CREB3L2: variants seen among roughly 807,000 people sequenced by gnomAD.
CREB3L2 encodes the protein cyclic AMP-responsive element-binding protein 3-like protein 2.
CREB3L2 carries 23 observed loss-of-function variants against 57.2 expected under a neutral mutation model. The observed-to-expected ratio is 0.40, with a 90% CI of 0.29 to 0.57. The LOEUF (loss-of-function observed/expected upper bound fraction) is 0.57, where lower values mean the gene tolerates loss of function less well. Among genes scored for constraint, CREB3L2 ranks in the 20% least tolerant of loss-of-function variants. The pLI is 0.42. For synonymous variants in CREB3L2, 268 were observed against 265.1 expected, an observed-to-expected ratio of 1.01 and a Z score of -0.11; for missense variants, 628 against 634.7, an observed-to-expected ratio of 0.99 and a Z score of 0.11.
intron 2 of CREB3L2, among the ~76,000 whole-genome samples, chr7:137,922,415 T>TAC (rs1491237233): frequency 0.046 from 1,053 of 23,072 alleles, 89 homozygotes; most frequent in African/African-American, 0.14. Context: ...TATATATATA[T>TAC]GTATATATAT....
chr7:137,988,564 C>T (rs1263156588), intron 1 of CREB3L2, among the ~76,000 whole-genome samples: 1 of 152,126 alleles, frequency 6.6e-6, no homozygotes. Context: ...CTGATACTTC[C>T]TTAGTGGAAG....
chr7:137,936,439 C>T (rs1800787357), intron 1 of CREB3L2, among the ~76,000 whole-genome samples: 1 of 152,132 alleles, frequency 6.6e-6, no homozygotes, highest in Non-Finnish European at 1.5e-5. Context: ...ACCTGTAAAC[C>T]TCTGTGTGTG....
At chr7:137,901,052 GA>G (rs1489318198) in intron 8 of CREB3L2, among the ~76,000 whole-genome samples, 1 of 152,136 alleles carries the variant, frequency 6.6e-6, no homozygotes, top group Non-Finnish European at 1.5e-5. Flanking sequence ...GAAAAGTAAA[GA>G]ATATGCATGT....
intron 1 of CREB3L2, among the ~76,000 whole-genome samples, chr7:137,994,539 TCTC>T (rs1316664970): frequency 6.6e-6 from 1 of 152,278 alleles, no homozygotes; most frequent in African/African-American, 2.4e-5. Context: ...ATAGCCATAA[TCTC>T]CTCCTGGCTC....
intron 1 of CREB3L2, among the ~76,000 whole-genome samples, chr7:137,965,793 C>G (rs1483768845): frequency 6.6e-6 from 1 of 152,144 alleles, no homozygotes; most frequent in African/African-American, 2.4e-5. Context: ...TGAGGAGGAG[C>G]AAAACAAAGT....
intron 1 of CREB3L2, among the ~76,000 whole-genome samples, chr7:137,998,449 T>G (rs1191812045): frequency 6.6e-6 from 1 of 152,236 alleles, no homozygotes; most frequent in Non-Finnish European, 1.5e-5. Context: ...CAGCAGTTCC[T>G]ATATTCCAAT....
intron 1 of CREB3L2, among the ~76,000 whole-genome samples, chr7:137,970,024 G>T: frequency 6.6e-6 from 1 of 152,112 alleles, no homozygotes; most frequent in African/African-American, 2.4e-5. Context: ...AGTTCTTCCA[G>T]ATGACTTGAA....
intron 6 of CREB3L2, among the ~76,000 whole-genome samples, chr7:137,904,280 C>G (rs911041883): frequency 6.6e-6 from 1 of 152,172 alleles, no homozygotes; most frequent in Non-Finnish European, 1.5e-5. Flanking sequence ...CCTGTAATCC[C>G]AACACTTTGG....
chr7:137,970,564 T>A (rs965772230), intron 1 of CREB3L2, among the ~76,000 whole-genome samples: 30 of 136,642 alleles, frequency 2.2e-4, no homozygotes, highest in African/African-American at 8.0e-4. Flanking sequence ...AAATGGGTCT[T>A]CTTCGATAAG....
At chr7:137,989,027 A>G (rs759850) in intron 1 of CREB3L2, among the ~76,000 whole-genome samples, 130,476 of 152,118 alleles carry the variant, frequency 0.86, 56,648 homozygotes, top group East Asian at 0.97. Flanking sequence ...AGAAAGAAAG[A>G]ACCCTCATAA....
At chr7:137,907,708 T>G (rs1477129539) in intron 5 of CREB3L2, among the ~76,000 whole-genome samples, 1 of 152,222 alleles carries the variant, frequency 6.6e-6, no homozygotes, top group Non-Finnish European at 1.5e-5. Flanking sequence ...TTTATTATGG[T>G]GTCCTCATGT....
chr7:137,928,962 C>T (rs1000428253), intron 1 of CREB3L2, among the ~76,000 whole-genome samples: 4 of 152,206 alleles, frequency 2.6e-5, no homozygotes, highest in African/African-American at 9.6e-5. Flanking sequence ...TCATGACCTA[C>T]CACATTTTGC....
intron 1 of CREB3L2, among the ~76,000 whole-genome samples, chr7:137,978,142 T>A (rs1398974810): frequency 6.6e-6 from 1 of 151,960 alleles, no homozygotes; most frequent in African/African-American, 2.4e-5. Context: ...CCAAGATAAA[T>A]AAAAACAAAT....
At chr7:137,967,599 T>C (rs908038044) in intron 1 of CREB3L2, among the ~76,000 whole-genome samples, 2 of 152,132 alleles carry the variant, frequency 1.3e-5, no homozygotes, top group Non-Finnish European at 2.9e-5. Context: ...CCCTTGCTAT[T>C]GATTTGAACC....
intron 1 of CREB3L2, among the ~76,000 whole-genome samples, chr7:137,972,991 A>C (rs1801544456): frequency 1.3e-5 from 2 of 151,350 alleles, no homozygotes; most frequent in South Asian, 4.2e-4. Flanking sequence ...ATAGGAAAGA[A>C]GCTTCAGGGC....
Position 137,986,946 on chromosome 7 carries a change from C to T in CREB3L2, c.102+14658G>A, listed in dbSNP as rs74806772. On this transcript the variant is annotated intron_variant, in intron 1 of 11. Coordinates refer to ENST00000330387, the MANE Select transcript of CREB3L2 (RefSeq NM_194071.4). ...ATGATGCCTCGAGCCCAAGGGCGAC[C>T]CCACTGCACCATGCAGGTAACATCA... 6.8e-3 allele frequency among the ~76,000 whole-genome samples: 1,032 copies of T among 152,334 alleles called. 16 individuals carry two copies. The highest frequency in any genetic ancestry group is 0.024 in the African/African-American group (988 of 41,580).
At chr7:137,994,762 TAAG>T (rs1299325584) in intron 1 of CREB3L2, among the ~76,000 whole-genome samples, 4 of 152,118 alleles carry the variant, frequency 2.6e-5, no homozygotes, top group South Asian at 2.1e-4. Flanking sequence ...CTAGGCAACA[TAAG>T]GAGACCCTGT....
chr7:137,939,350 T>C (rs1401850418), intron 1 of CREB3L2, among the ~76,000 whole-genome samples: 1 of 149,008 alleles, frequency 6.7e-6, no homozygotes, highest in African/African-American at 2.6e-5. Context: ...CCCTGCTGCC[T>C]CTCAATCACT....
At chr7:137,882,272 C>T in intron 11 of CREB3L2, 140 bp downstream of exon 11, 3 of 620,982 alleles carry the variant, frequency 4.8e-6, no homozygotes, top group South Asian at 4.9e-5. Context: ...TCTGCAGTCC[C>T]AGGTCCTGGA....
Sources: gnomAD v4.1 joint callset for allele counts (sites outside exome capture counted in the v4.1 genomes callset) on GRCh38, gnomAD v4.1.1 for gene constraint, MANE v1.5 for transcripts, NCBI Gene and HGNC (gene_info 2026-07-23, HGNC 2026-07-21) for gene names.